The following EYS variants were observed in gnomAD, a reference collection of about 807,000 sequenced individuals.
EYS encodes the protein protein eyes shut homolog.
In EYS, 250 loss-of-function variants were observed where a neutral mutation model predicts 282.1. That is an observed-to-expected ratio of 0.89 (90% CI 0.80 to 0.98). EYS has a LOEUF of 0.98. Among genes scored for constraint, EYS ranks in the 50% least tolerant of loss-of-function variants. The pLI, the probability that EYS is intolerant of heterozygous loss-of-function variation, is 0.00. For synonymous variants in EYS, 1,355 were observed against 1,282.9 expected (o/e 1.06, Z -1.20); for missense variants, 4,016 against 3,709.0 (o/e 1.08, Z -2.15).
intron 12 of EYS, among the ~76,000 whole-genome samples, chr6:65,252,257 C>G (rs1286369364): frequency 6.6e-6 from 1 of 151,810 alleles, no homozygotes; most frequent in African/African-American, 2.4e-5. Context: ...CTAAATCACC[C>G]CTGTGTTGCA....
chr6:65,289,458 CT>C (rs1293567400), intron 12 of EYS, among the ~76,000 whole-genome samples: 2 of 150,988 alleles, frequency 1.3e-5, no homozygotes, highest in Non-Finnish European at 3.0e-5. Context: ...TTCTTGAGGA[CT>C]ACTCCCAAAT....
chr6:64,177,941 TCCAAC>T (rs1454899761), intron 31 of EYS, among the ~76,000 whole-genome samples: 2 of 152,140 alleles, frequency 1.3e-5, no homozygotes, highest in Non-Finnish European at 2.9e-5. Context: ...TTCCATTTAC[TCCAAC>T]CCTTGGTCCA....
intron 31 of EYS, among the ~76,000 whole-genome samples, chr6:64,092,518 T>C (rs1179077360): frequency 6.6e-6 from 1 of 152,210 alleles, no homozygotes; most frequent in East Asian, 1.9e-4. Flanking sequence ...ATGAGCATTT[T>C]TTCATGTGTC....
intron 12 of EYS, among the ~76,000 whole-genome samples, chr6:65,165,585 AC>A (rs1764953815): frequency 6.6e-6 from 1 of 150,704 alleles, no homozygotes; most frequent in South Asian, 2.1e-4. Context: ...TTCTCTTTTT[AC>A]CCTTTGGCTT....
At chr6:65,342,150 G>GTATT (rs1259794756) in intron 10 of EYS, among the ~76,000 whole-genome samples, 2 of 150,972 alleles carry the variant, frequency 1.3e-5, no homozygotes. Flanking sequence ...TAGTACATAT[G>GTATT]TATTTATTTA....
chr6:64,066,515 A>C (rs1295558939), intron 32 of EYS, 24 bp from the exon 33 acceptor site: 1 of 1,377,698 alleles, frequency 7.3e-7, no homozygotes, highest in Non-Finnish European at 1.0e-6. Context: ...AGAATATATT[A>C]GTAATTATTG....
intron 22 of EYS, among the ~76,000 whole-genome samples, chr6:64,694,733 C>T (rs185325176): frequency 1.0e-3 from 156 of 152,260 alleles, no homozygotes; most frequent in African/African-American, 3.3e-3. Flanking sequence ...TAAGCTCCAG[C>T]GATGGACATG....
chr6:63,857,710 T>G (rs1238044093), intron 36 of EYS: 1 of 413,204 alleles, frequency 2.4e-6, no homozygotes, highest in African/African-American at 2.0e-5. Context: ...ATGTTGACCT[T>G]TTTGCCATCC....
At chr6:63,918,856 G>A (rs1298706864) in intron 35 of EYS, among the ~76,000 whole-genome samples, 2 of 152,206 alleles carry the variant, frequency 1.3e-5, no homozygotes, top group Non-Finnish European at 2.9e-5. Context: ...AAGCACCTTT[G>A]TAAGAAAGAA....
chr6:64,728,006 G>T lies in EYS; in HGVS notation c.3443+85372C>A, dbSNP rs547709067. 1.2e-4 allele frequency among the ~76,000 whole-genome samples: 19 copies of T among 152,286 alleles called. 1 individual carries two copies. The East Asian group carries it at 3.7e-3, about 30-fold the overall frequency. On this transcript the variant is annotated intron_variant, in intron 22 of 42. Transcript: ENST00000503581. ...CCCCTTCACGGGTGGAAACTGGAAT[G>T]CATGGGCACTGGAACTAGCTGGCTG...
intron 33 of EYS, among the ~76,000 whole-genome samples, chr6:64,026,279 G>T (rs1769505243): frequency 1.3e-5 from 2 of 152,098 alleles, no homozygotes; most frequent in South Asian, 2.1e-4. Flanking sequence ...CGATCAGCAG[G>T]GTCCAGGGTC....
intron 31 of EYS, among the ~76,000 whole-genome samples, chr6:64,218,155 C>T (rs993398054): frequency 6.6e-6 from 1 of 152,090 alleles, no homozygotes; most frequent in African/African-American, 2.4e-5. Flanking sequence ...CTAGGATGAC[C>T]CCAGTTCCCC....
intron 1 of EYS, among the ~76,000 whole-genome samples, chr6:65,698,580 C>G (rs1262898200): frequency 6.6e-6 from 1 of 152,136 alleles, no homozygotes; most frequent in Non-Finnish European, 1.5e-5. Context: ...TGGATTCTAT[C>G]TAACTCAGAT....
chr6:63,976,373 T>A (rs1766838442), intron 35 of EYS, among the ~76,000 whole-genome samples: 1 of 152,098 alleles, frequency 6.6e-6, no homozygotes, highest in African/African-American at 2.4e-5. Flanking sequence ...ACCACCATCA[T>A]CTGTTTTGTC....
At chr6:64,539,428 A>G (rs1415750566) in intron 26 of EYS, among the ~76,000 whole-genome samples, 1 of 152,086 alleles carries the variant, frequency 6.6e-6, no homozygotes, top group African/African-American at 2.4e-5. Flanking sequence ...TAAAATAATC[A>G]TCTGGGTGTG....
intron 40 of EYS, among the ~76,000 whole-genome samples, chr6:63,775,258 A>T (rs1388323774): frequency 6.6e-6 from 1 of 152,174 alleles, no homozygotes. Flanking sequence ...CCTTACTTGG[A>T]ATAAGACTTT....
chr6:65,624,010 GGATA>G (rs1233895550), intron 2 of EYS, among the ~76,000 whole-genome samples: 2 of 152,122 alleles, frequency 1.3e-5, no homozygotes, highest in Admixed American at 6.5e-5. Context: ...ATAGATGGAT[GGATA>G]GATAGATAGG....
intron 30 of EYS, among the ~76,000 whole-genome samples, chr6:64,291,569 G>A (rs182802027): frequency 1.3e-5 from 2 of 151,952 alleles, no homozygotes; most frequent in East Asian, 1.9e-4. Flanking sequence ...ATAGAACATT[G>A]GAAACTTTTA....
At chr6:63,959,936 T>C (rs907162018) in intron 35 of EYS, among the ~76,000 whole-genome samples, 6 of 151,946 alleles carry the variant, frequency 3.9e-5, no homozygotes, top group Non-Finnish European at 5.9e-5. Flanking sequence ...GATGACGAAT[T>C]GATAGGTGCA....
Sources: gnomAD v4.1 joint callset for allele counts (sites outside exome capture counted in the v4.1 genomes callset) on GRCh38, gnomAD v4.1.1 for gene constraint, MANE v1.5 for transcripts, NCBI Gene and HGNC (gene_info 2026-07-23, HGNC 2026-07-21) for gene names.